Variants in CLSPN observed in about 807,000 individuals in gnomAD.
CLSPN encodes the protein claspin.
In CLSPN, 85 loss-of-function variants were observed where a neutral mutation model predicts 156.3. The ratio of observed to expected loss-of-function variants is 0.54; its 90% CI spans 0.46 to 0.65. CLSPN has a LOEUF of 0.65. Ranked by LOEUF, CLSPN falls within the 30% of genes least tolerant of loss-of-function variation. The pLI is 0.00. For synonymous variants in CLSPN, 534 were observed against 542.4 expected (o/e 0.98, Z 0.22); for missense variants, 1,407 against 1,554.9 (o/e 0.90, Z 1.60).
At chr1:35,768,944 T>G (rs1166486481) in intron 1 of CLSPN, among the ~76,000 whole-genome samples, 1 of 152,092 alleles carries the variant, frequency 6.6e-6, no homozygotes, top group East Asian at 1.9e-4. Context: ...TTTTAAAAAA[T>G]TAAATCAATA....
At chr1:35,749,443 T>C in intron 12 of CLSPN, 24 bp downstream of exon 12, 1 of 1,610,062 alleles carries the variant, frequency 6.2e-7, no homozygotes, top group Non-Finnish European at 8.5e-7. Flanking sequence ...AAATGTTAAG[T>C]TCTGCACAAG....
chr1:35,736,058 A>C lies in CLSPN; in HGVS notation c.*438T>G. ...CATGGTGAAACCCCGTCTCTACTAA[A>C]AATACAAAAATTAGCTGGGCGTATT... On this transcript the variant is annotated 3_prime_UTR_variant, in exon 25 of 25. Transcript: ENST00000318121. The C allele has an allele frequency of 1.6e-6, 1 of 609,306 alleles. No individual in the cohort carries two copies. Among genetic ancestry groups the C allele is most frequent in the Non-Finnish European group, 2.1e-6 (1 of 486,846 alleles). The allele number at this position is 609,306 out of a possible 1,614,324, so 37.7% of individuals were successfully genotyped here. A position where few individuals can be genotyped will look rare whatever the true frequency, so the allele number is the denominator to read the frequency against.
chr1:35,737,135 C>T, intron 23 of CLSPN, 60 bp from the exon 24 acceptor site: 3 of 1,525,910 alleles, frequency 2.0e-6, no homozygotes, highest in South Asian at 1.1e-5. Flanking sequence ...AATGAAAAGT[C>T]CTTCCCTCCC....
intron 16 of CLSPN, 125 bp downstream of exon 16, chr1:35,745,326 G>C (rs1038044690): frequency 1.5e-6 from 1 of 662,234 alleles, no homozygotes; most frequent in African/African-American, 1.8e-5. Context: ...TGCTTACTAG[G>C]CATATATGAG....
rs1308582003 is a variant in CLSPN, at chr1:35,732,834, A to C, written c.*3662T>G. ...TGAAACTGTCCATGTCAATCCTGTT[A>C]CCAAGATCAAGGCTTAGCTTACTTT... On this transcript the variant is annotated 3_prime_UTR_variant, in exon 25 of 25. Transcript: ENST00000318121. 2 of 985,476 alleles carry C rather than the reference A, an allele frequency of 2.0e-6. No individual in the cohort carries two copies. Among genetic ancestry groups the C allele is most frequent in the Non-Finnish European group, 2.4e-6 (2 of 829,952 alleles). The allele number at this position is 985,476 out of a possible 1,614,324, so 61.0% of individuals were successfully genotyped here.
In CLSPN at chr1:35,742,575, C is replaced by T. The variant is rs891986057; in HGVS notation, c.3143+566G>A. 4.0e-4 allele frequency among the ~76,000 whole-genome samples: 61 copies of T among 151,814 alleles called. 1 individual carries two copies. The highest frequency in any genetic ancestry group is 3.1e-3 in the Admixed American group (47 of 15,230). On this transcript the variant is annotated intron_variant, in intron 18 of 24. Transcript: ENST00000318121. Reference sequence around the variant, plus strand: ...TTTGTATTTTTAGTAGAGAGGGTTTCACCATGTTGGTCACGCTGGTCTCAA... The same window carrying T: ...TTTGTATTTTTAGTAGAGAGGGTTTTACCATGTTGGTCACGCTGGTCTCAA...
intron 24 of CLSPN, among the ~76,000 whole-genome samples, chr1:35,724,385 G>T (rs1641134638): frequency 6.6e-6 from 1 of 152,212 alleles, no homozygotes. Context: ...GGTGGGAAAT[G>T]GAGGTAAGGT....
chr1:35,756,489 T>C (rs1027477658), intron 8 of CLSPN, among the ~76,000 whole-genome samples: 5 of 152,228 alleles, frequency 3.3e-5, no homozygotes, highest in South Asian at 2.1e-4. Flanking sequence ...GTCTTCATCC[T>C]AAAACCCCTG....
At chr1:35,723,669 G>A (rs1246499032) in intron 24 of CLSPN, among the ~76,000 whole-genome samples, 2 of 152,126 alleles carry the variant, frequency 1.3e-5, no homozygotes, top group African/African-American at 4.8e-5. Context: ...AGAACTGGTC[G>A]TGGTCTTGGG....
chr1:35,738,788 T>C (rs1357904963), intron 20 of CLSPN, among the ~76,000 whole-genome samples: 1 of 147,718 alleles, frequency 6.8e-6, no homozygotes, highest in African/African-American at 2.5e-5. Context: ...AAATATGCAT[T>C]GTAACTGTTT....
In CLSPN at chr1:35,743,451, T is replaced by G; in HGVS notation, c.3042+4A>C. 1 of 1,610,836 alleles carries G rather than the reference T, an allele frequency of 6.2e-7. No homozygotes were observed. The highest frequency in any genetic ancestry group is 1.1e-5 in the South Asian group (1 of 90,918). ...TATGATTACTTTGTTCCCTTCATAC[T>G]CACCTCATCACTATCAAACTCATTA... is the stretch of plus-strand genomic sequence containing the variant. On this transcript the variant is annotated splice_donor_region_variant and intron_variant, in intron 17 of 24. Transcript: ENST00000318121.
rs1344192827 is a variant in CLSPN, at chr1:35,745,503, C to T, written c.2914G>A (p.Asp972Asn). ...AGAGCAAGTGCTTCTTCCATTGGATCACCCATGCTGCTCTCCTTCTCCTGT... is the reference window on the plus strand; with the variant it reads ...AGAGCAAGTGCTTCTTCCATTGGATTACCCATGCTGCTCTCCTTCTCCTGT... ...NKQEKESSMGDPMEEALALCS... is the reference protein window; with the variant it reads ...NKQEKESSMGNPMEEALALCS... Residue 972 changes from aspartate to asparagine, a missense_variant, in exon 16 of 25, where the codon GAT becomes AAT. By Grantham distance (23) the Asp-to-Asn change is conservative. Coordinates refer to ENST00000318121, the MANE Select transcript of CLSPN (RefSeq NM_022111.4). 6.2e-7 allele frequency: 1 copy of T among 1,614,092 alleles called. No individual in the cohort carries two copies. Among genetic ancestry groups the T allele is most frequent in the South Asian group, 1.1e-5 (1 of 91,072 alleles).
chr1:35,745,629 C>G, intron 15 of CLSPN, 67 bp from the exon 16 acceptor site: 1 of 1,145,984 alleles, frequency 8.7e-7, no homozygotes, highest in Non-Finnish European at 1.3e-6. Flanking sequence ...TCCCAGCCAT[C>G]TAAAGTCATG....
At position 35,766,497 on chromosome 1, in the gene CLSPN, C is replaced by T. The variant is rs188495953; in HGVS notation, c.25-1171G>A. On this transcript the variant is annotated intron_variant, in intron 1 of 24. Transcript: ENST00000318121. ...TTTGCCGTTGTCGCCCAGGATGGAG[C>T]GCAACGGCGCGATCTCGGCTCACCG... 6.2e-3 allele frequency among the ~76,000 whole-genome samples: 939 copies of T among 151,056 alleles called. 13 individuals are homozygous for T. The highest frequency in any genetic ancestry group is 0.022 in the African/African-American group (895 of 41,130).
chr1:35,758,001 GTT>G (rs902081683), intron 8 of CLSPN, among the ~76,000 whole-genome samples: 2 of 150,800 alleles, frequency 1.3e-5, no homozygotes, highest in Non-Finnish European at 2.9e-5. Flanking sequence ...TTTTGTGTGT[GTT>G]TTGTTTTTCT....
chr1:35,765,434 A>G, intron 1 of CLSPN, 108 bp from the exon 2 acceptor site: 1 of 679,378 alleles, frequency 1.5e-6, no homozygotes, highest in Non-Finnish European at 2.5e-6. Flanking sequence ...TAAGGAAAGA[A>G]CCAAATACAA....
At chr1:35,721,546 C>G (rs1415305401) in intron 24 of CLSPN, among the ~76,000 whole-genome samples, 1 of 152,072 alleles carries the variant, frequency 6.6e-6, no homozygotes, top group Non-Finnish European at 1.5e-5. Flanking sequence ...TGCCACCACA[C>G]CCGGCTAATT....
intron 9 of CLSPN, among the ~76,000 whole-genome samples, chr1:35,752,985 T>C (rs565118376): frequency 1.3e-5 from 2 of 152,352 alleles, no homozygotes; most frequent in African/African-American, 4.8e-5. Flanking sequence ...GTTTTCCATG[T>C]GATATATTAC....
intron 8 of CLSPN, among the ~76,000 whole-genome samples, chr1:35,756,656 T>C (rs1399669056): frequency 3.3e-5 from 5 of 152,156 alleles, no homozygotes; most frequent in Non-Finnish European, 5.9e-5. Context: ...GTCCAGAAAG[T>C]AGAGGAATTA....
Sources: gnomAD v4.1 joint callset for allele counts (sites outside exome capture counted in the v4.1 genomes callset) on GRCh38, gnomAD v4.1.1 for gene constraint, MANE v1.5 for transcripts, NCBI Gene and HGNC (gene_info 2026-07-23, HGNC 2026-07-21) for gene names.